The following PTPRR variants were observed in gnomAD, a reference collection of about 807,000 sequenced individuals.
PTPRR encodes receptor-type tyrosine-protein phosphatase R.
In PTPRR, 38 loss-of-function variants were observed where a neutral mutation model predicts 77.2. That is an observed-to-expected ratio of 0.49 (90% CI 0.38 to 0.65). The LOEUF is 0.65. Among genes scored for constraint, PTPRR ranks in the 30% least tolerant of loss-of-function variants. The pLI is 0.00. For synonymous variants in PTPRR, 299 were observed against 283.1 expected, an observed-to-expected ratio of 1.06 and a Z score of -0.57; for missense variants, 744 against 799.2, an observed-to-expected ratio of 0.93 and a Z score of 0.83.
At chr12:70,712,680 TA>T (rs1888869215) in intron 6 of PTPRR, among the ~76,000 whole-genome samples, 1 of 152,080 alleles carries the variant, frequency 6.6e-6, no homozygotes, top group South Asian at 2.1e-4. Flanking sequence ...ATTTGTCACG[TA>T]AAGGACGTTT....
At chr12:70,757,200 G>A (rs1391098031) in intron 4 of PTPRR, among the ~76,000 whole-genome samples, 1 of 152,118 alleles carries the variant, frequency 6.6e-6, no homozygotes, top group Non-Finnish European at 1.5e-5. Flanking sequence ...TGTATGTAAT[G>A]GCTTTTTTTC....
Position 70,809,938 on chromosome 12 carries a change from C to A in PTPRR, c.358-45160G>T, listed in dbSNP as rs186904664. ...ATCTAATTTTGGACAAAGGTGAGCT[C>A]AGAATGTTGCTGAGCCAGTTTCCAC... On this transcript the variant is annotated intron_variant, in intron 2 of 13. Coordinates refer to ENST00000283228, the MANE Select transcript of PTPRR (RefSeq NM_002849.4). 9.7e-4 allele frequency among the ~76,000 whole-genome samples: 147 copies of A among 152,234 alleles called. 1 individual carries two copies. Among genetic ancestry groups the A allele is most frequent in the African/African-American group, 3.2e-3 (133 of 41,552 alleles).
chr12:70,667,540 C>G (rs1488865515), intron 10 of PTPRR, among the ~76,000 whole-genome samples: 1 of 152,100 alleles, frequency 6.6e-6, no homozygotes, highest in East Asian at 1.9e-4. Flanking sequence ...GGTTGCCTCT[C>G]CACCAACATG....
chr12:70,812,405 A>G (rs2137031863), intron 2 of PTPRR, among the ~76,000 whole-genome samples: 1 of 152,314 alleles, frequency 6.6e-6, no homozygotes. Context: ...ACACTGATTT[A>G]CTATCCCAGG....
intron 6 of PTPRR, among the ~76,000 whole-genome samples, chr12:70,737,972 A>G (rs565799065): frequency 6.6e-6 from 1 of 152,376 alleles, no homozygotes; most frequent in Admixed American, 6.5e-5. Context: ...AAAATCTTTA[A>G]GCATCGAAAT....
chr12:70,811,749 C>T (rs1365523724), intron 2 of PTPRR, among the ~76,000 whole-genome samples: 1 of 152,208 alleles, frequency 6.6e-6, no homozygotes. Context: ...CATGTCCACA[C>T]TACCAATGAG....
At chr12:70,731,290 A>T in intron 6 of PTPRR, among the ~76,000 whole-genome samples, 1 of 151,554 alleles carries the variant, frequency 6.6e-6, no homozygotes. Flanking sequence ...CCCAGAAATG[A>T]AAAAAAAATG....
chr12:70,760,176 TC>T (rs1890660439), intron 4 of PTPRR, among the ~76,000 whole-genome samples: 3 of 152,190 alleles, frequency 2.0e-5, no homozygotes, highest in Admixed American at 2.0e-4. Flanking sequence ...CTTTAAAAAT[TC>T]AATCCATATT....
At chr12:70,776,656 T>C (rs546845795) in intron 2 of PTPRR, among the ~76,000 whole-genome samples, 1 of 152,202 alleles carries the variant, frequency 6.6e-6, no homozygotes, top group African/African-American at 2.4e-5. Flanking sequence ...CACACCGGGA[T>C]CAGTGCTAGG....
chr12:70,853,445 A>G (rs1274778173), intron 2 of PTPRR, among the ~76,000 whole-genome samples: 1 of 152,214 alleles, frequency 6.6e-6, no homozygotes, highest in Non-Finnish European at 1.5e-5. Flanking sequence ...ATTTGACTCC[A>G]AAGCATGGAC....
chr12:70,777,147 T>C (rs561244947), intron 2 of PTPRR, among the ~76,000 whole-genome samples: 1 of 152,180 alleles, frequency 6.6e-6, no homozygotes, highest in African/African-American at 2.4e-5. Context: ...ATATCTGAGA[T>C]AGAGTTCTAT....
intron 2 of PTPRR, among the ~76,000 whole-genome samples, chr12:70,783,231 T>C (rs1369515705): frequency 6.6e-6 from 1 of 152,076 alleles, no homozygotes; most frequent in Non-Finnish European, 1.5e-5. Flanking sequence ...TGTTGATAGC[T>C]CTTCTCTGTA....
intron 2 of PTPRR, among the ~76,000 whole-genome samples, chr12:70,795,002 T>C (rs983933122): frequency 1.3e-5 from 2 of 152,148 alleles, no homozygotes; most frequent in African/African-American, 4.8e-5. Context: ...GATCTAGTGA[T>C]AGTTGATGTG....
intron 10 of PTPRR, among the ~76,000 whole-genome samples, chr12:70,675,890 G>T (rs930137241): frequency 4.6e-5 from 7 of 150,632 alleles, no homozygotes; most frequent in African/African-American, 1.7e-4. Flanking sequence ...CTATAGAAAA[G>T]CCTTTTTTTT....
At chr12:70,808,358 T>C (rs1309393130) in intron 2 of PTPRR, among the ~76,000 whole-genome samples, 1 of 152,132 alleles carries the variant, frequency 6.6e-6, no homozygotes, top group South Asian at 2.1e-4. Flanking sequence ...TGTGATCTTT[T>C]GTTGCCCTTA....
intron 6 of PTPRR, among the ~76,000 whole-genome samples, chr12:70,717,209 A>G (rs1054609775): frequency 2.0e-5 from 3 of 152,194 alleles, no homozygotes; most frequent in Admixed American, 1.3e-4. Context: ...CTGATACTCA[A>G]TAATGACATT....
intron 2 of PTPRR, among the ~76,000 whole-genome samples, chr12:70,823,797 C>A (rs567634835): frequency 1.3e-5 from 2 of 152,260 alleles, no homozygotes; most frequent in East Asian, 3.9e-4. Context: ...CCAGCAGCAG[C>A]CAAGAGAGGG....
chr12:70,648,702 G>A lies in PTPRR; in HGVS notation c.1880+8002C>T, dbSNP rs1886286879. 2.0e-5 allele frequency among the ~76,000 whole-genome samples: 3 copies of A among 152,174 alleles called. No homozygotes were observed. The South Asian group carries it at 6.2e-4, about 32-fold the overall frequency. The stretch of plus-strand genomic sequence containing the variant: ...GCTCCTTGACATCTAGTCCAGAGAT[G>A]TCCGGCACCTCATTCTTTTGCTAGT... On this transcript the variant is annotated intron_variant, in intron 13 of 13. Coordinates refer to ENST00000283228, the MANE Select transcript of PTPRR (RefSeq NM_002849.4).
chr12:70,841,792 T>C (rs1892402558), intron 2 of PTPRR, among the ~76,000 whole-genome samples: 1 of 152,206 alleles, frequency 6.6e-6, no homozygotes, highest in South Asian at 2.1e-4. Flanking sequence ...TCATTTAATT[T>C]CTCATGGTAT....
Sources: gnomAD v4.1 joint callset for allele counts (sites outside exome capture counted in the v4.1 genomes callset) on GRCh38, gnomAD v4.1.1 for gene constraint, MANE v1.5 for transcripts, NCBI Gene and HGNC (gene_info 2026-07-23, HGNC 2026-07-21) for gene names.